ANKRD26: variants seen among roughly 807,000 people sequenced by gnomAD.
ANKRD26 encodes ankyrin repeat domain-containing protein 26.
ANKRD26 carries 141 observed loss-of-function variants against 208.7 expected under a neutral mutation model. The observed-to-expected ratio is 0.68, with a 90% CI of 0.59 to 0.78. ANKRD26 has a LOEUF of 0.78. ANKRD26 is among the 30% of genes least tolerant of loss of function. ANKRD26 has a pLI of 0.00. For synonymous variants in ANKRD26, 636 were observed against 660.4 expected, an observed-to-expected ratio of 0.96 and a Z score of 0.57; for missense variants, 1,889 against 1,938.7, an observed-to-expected ratio of 0.97 and a Z score of 0.48.
the ANKRD26 span, among the ~76,000 whole-genome samples, chr10:26,958,563 C>T: frequency 6.6e-6 from 1 of 152,090 alleles, no homozygotes; most frequent in Non-Finnish European, 1.5e-5. Context: ...AAGGTGCGGT[C>T]TTTGGTTTTC....
Position 27,086,615 on chromosome 10 carries a change from T to C in ANKRD26, c.639-6A>G, listed in dbSNP as rs1427281120. 6.3e-7 allele frequency: 1 copy of C among 1,599,702 alleles called. No individual in the cohort carries two copies. On this transcript the variant is annotated splice_region_variant and splice_polypyrimidine_tract_variant and intron_variant, in intron 4 of 33. Transcript: ENST00000376087. ...CTGAAATTAGTTGGTGACTGCTATG[T>C]ATAGAAAAATGTAACAAAATTATGT...
intron 9 of ANKRD26, among the ~76,000 whole-genome samples, chr10:27,076,411 C>G (rs555274969): frequency 6.6e-6 from 1 of 152,042 alleles, no homozygotes; most frequent in South Asian, 2.1e-4. Context: ...TACAGGCACC[C>G]ACCACCATGC....
At position 27,017,512 on chromosome 10, in the gene ANKRD26, A is replaced by C; in HGVS notation, c.4496T>G (p.Leu1499Arg). ...TACACATAAGCTAACCTGTAAAAAT[A>C]GATTGACTTCTTTTAATTTTTCTGC... ...EIAEKLKEVN[L>R]FLQAQAASQE... The change falls in exon 30 of 34, where the codon CTA becomes CGA. Residue 1499 changes from leucine to arginine, a missense_variant. By Grantham distance (102) the Leu-to-Arg change is moderately radical (BLOSUM62 -2). Around this residue, in one of 3 missense-constraint regions of ANKRD26, gnomAD observed 613 missense variants for 648.2 expected, o/e 0.95. Coordinates refer to ENST00000376087, the MANE Select transcript of ANKRD26 (RefSeq NM_014915.3). 2.5e-6 allele frequency: 4 copies of C among 1,613,466 alleles called. No homozygotes were observed. Among genetic ancestry groups the C allele is most frequent in the Non-Finnish European group, 3.4e-6 (4 of 1,179,782 alleles).
At chr10:26,985,325 C>A (rs1161632065) in intron 3 of ANKRD26, among the ~76,000 whole-genome samples, 3 of 152,084 alleles carry the variant, frequency 2.0e-5, no homozygotes, top group Admixed American at 1.3e-4. Flanking sequence ...ATTACATTTT[C>A]TCTGGATTCC....
At position 27,035,356 on chromosome 10, in the gene ANKRD26, G is replaced by T; in HGVS notation, c.3094C>A (p.Leu1032Ile). The change falls in exon 24 of 34, where the codon CTT becomes ATT. Residue 1032 changes from leucine (L) to isoleucine (I), a missense_variant. Transcript: ENST00000376087. The part of the protein sequence containing the change: ...QSETSKRELE[L>I]AFQRARDECS... ...TCATCTCTTGCTCTCTGGAAAGCAAGTTCTAGTTCTCTTTTTGATGTCTCA... is the reference window on the plus strand; with the variant it reads ...TCATCTCTTGCTCTCTGGAAAGCAATTTCTAGTTCTCTTTTTGATGTCTCA... 1.2e-6 allele frequency: 2 copies of T among 1,613,902 alleles called. No individual in the cohort carries two copies. Among genetic ancestry groups the T allele is most frequent in the Non-Finnish European group, 1.7e-6 (2 of 1,179,934 alleles).
At chr10:27,007,078 T>C in intron 32 of ANKRD26, 116 bp from the exon 33 acceptor site, 1 of 689,890 alleles carries the variant, frequency 1.4e-6, no homozygotes, top group Non-Finnish European at 2.6e-6. Context: ...TACACTTAAC[T>C]TGATTGCTTA....
At position 27,046,358 on chromosome 10, in the gene ANKRD26, T is replaced by A; in HGVS notation, c.1980A>T (p.Glu660Asp). 6.2e-7 allele frequency: 1 copy of A among 1,613,996 alleles called. No individual in the cohort carries two copies. Among genetic ancestry groups the A allele is most frequent in the Non-Finnish European group, 8.5e-7 (1 of 1,179,950 alleles). Reference protein sequence around the residue: ...DSSLSEIDEDEGRPTKKTSNE... With the variant: ...DSSLSEIDEDDGRPTKKTSNE... Reference sequence around the variant, plus strand: ...AAAGAAATCATAGATTTTACCTTCCTTCATCCTCATCTATTTCACTTAAAC... The same window carrying A: ...AAAGAAATCATAGATTTTACCTTCCATCATCCTCATCTATTTCACTTAAAC... The change falls in exon 18 of 34, where the codon GAA becomes GAT. Residue 660 changes from glutamate (E) to aspartate (D), a missense_variant. By Grantham distance (45) the Glu-to-Asp change is conservative. This residue lies in a region of ANKRD26 where 1,272 missense variants were observed against 1,273.8 expected (regional missense o/e 1.00). Coordinates refer to ENST00000376087, the MANE Select transcript of ANKRD26 (RefSeq NM_014915.3).
At chr10:26,951,008 C>CTTTTTTTTTTTTTTTTTTTTTTT in the ANKRD26 span, among the ~76,000 whole-genome samples, 1 of 62,696 alleles carries the variant, frequency 1.6e-5, no homozygotes, top group African/African-American at 8.6e-5. Flanking sequence ...TTTTTCTTTT[C>CTTTTTTTTTTTTTTTTTTTTTTT]TTTTCTTTTT....
chr10:27,098,955 G>T (rs1263655725), intron 1 of ANKRD26, among the ~76,000 whole-genome samples: 1 of 152,064 alleles, frequency 6.6e-6, no homozygotes, highest in African/African-American at 2.4e-5. Flanking sequence ...ATCCTCACAT[G>T]CCAATACACT....
At chr10:27,061,348 T>C in intron 12 of ANKRD26, 106 bp from the exon 13 acceptor site, 1 of 698,746 alleles carries the variant, frequency 1.4e-6, no homozygotes, top group Non-Finnish European at 2.4e-6. Context: ...ATTTCAAAAT[T>C]AGTGCAGTTT....
chr10:27,029,132 A>T lies in ANKRD26; in HGVS notation c.3878+154T>A, dbSNP rs1036432849. Among the ~76,000 whole-genome samples the T allele has an allele frequency of 3.5e-4, 54 of 152,292 alleles. 1 individual carries two copies. Among genetic ancestry groups the T allele is most frequent in the Middle Eastern group, 3.4e-3 (1 of 294 alleles). On this transcript the variant is annotated intron_variant, in intron 26 of 33. Transcript: ENST00000376087. ...AATGCACAAAATTCTAGGATAATAT[A>T]AAAAAATCCGCATTTCAAAATTGCT... is the stretch of plus-strand genomic sequence containing the variant.
intron 23 of ANKRD26, among the ~76,000 whole-genome samples, chr10:27,036,539 G>A (rs769431154): frequency 5.3e-5 from 8 of 151,960 alleles, no homozygotes; most frequent in African/African-American, 1.2e-4. Flanking sequence ...ATTTGTTGTC[G>A]CAATAACTTT....
At chr10:26,949,857 G>A in the ANKRD26 span, among the ~76,000 whole-genome samples, 1 of 152,134 alleles carries the variant, frequency 6.6e-6, no homozygotes, top group Non-Finnish European at 1.5e-5. Context: ...AAAATTAGAT[G>A]ATAATATGTC....
chr10:27,035,006 T>C lies in ANKRD26; in HGVS notation c.3444A>G (p.Gln1148=), dbSNP rs370833466. 3.7e-6 allele frequency: 6 copies of C among 1,613,982 alleles called. No homozygotes were observed. The highest frequency in any genetic ancestry group is 1.3e-5 in the African/African-American group (1 of 74,938). The change falls in exon 24 of 34, where the codon CAA becomes CAG. Residue 1148 remains glutamine (Q), a synonymous_variant. Transcript: ENST00000376087. ...CCTTGTTGTGGGCATCATCCAGTTG[T>C]TGTCGAAGCAACATATTCTCACTTT... ...QLQSENMLLR[Q]QLDDAHNKAD...
chr10:26,954,954 G>C, the ANKRD26 span, among the ~76,000 whole-genome samples: 10 of 148,806 alleles, frequency 6.7e-5, no homozygotes. Flanking sequence ...TGTGCATCTA[G>C]TAAGCCATGT....
At chr10:26,950,167 G>A in the ANKRD26 span, among the ~76,000 whole-genome samples, 1 of 152,154 alleles carries the variant, frequency 6.6e-6, no homozygotes, top group Non-Finnish European at 1.5e-5. Flanking sequence ...GGAGGTGATT[G>A]GATCATGGGA....
intron 25 of ANKRD26, among the ~76,000 whole-genome samples, chr10:27,029,612 T>A (rs976633126): frequency 6.6e-6 from 1 of 152,188 alleles, no homozygotes; most frequent in Non-Finnish European, 1.5e-5. Context: ...AACTAAAACA[T>A]ATTACTCTTG....
At chr10:26,970,377 T>C (rs2052125745), downstream of ANKRD26, among the ~76,000 whole-genome samples, 1 of 152,194 alleles carries the variant, frequency 6.6e-6, no homozygotes, top group South Asian at 2.1e-4. Flanking sequence ...TCGTGAGATC[T>C]AGATAGTGAG....
chr10:27,028,486 A>G (rs2053747797), intron 27 of ANKRD26, among the ~76,000 whole-genome samples: 1 of 149,066 alleles, frequency 6.7e-6, no homozygotes, highest in Non-Finnish European at 1.5e-5. Flanking sequence ...AGTCCCAGCT[A>G]CTCGGGAGGC....
Sources: allele counts gnomAD v4.1 joint callset (sites outside exome capture counted in the v4.1 genomes callset), GRCh38; gene constraint gnomAD v4.1.1; regional missense constraint gnomAD v4.1.1; transcripts MANE v1.5; gene names NCBI Gene and HGNC (gene_info 2026-07-23, HGNC 2026-07-21).